SYN3: variants seen among roughly 807,000 people sequenced by gnomAD.
SYN3 encodes the protein synapsin III, also known as synapsin-3.
SYN3 carries 35 observed loss-of-function variants against 65.8 expected under a neutral mutation model. The ratio of observed to expected loss-of-function variants is 0.53; its 90% CI spans 0.41 to 0.70. SYN3 has a LOEUF of 0.70. Among genes scored for constraint, SYN3 ranks in the 30% least tolerant of loss-of-function variants. The pLI is 0.00. For missense variants in SYN3, 680 were observed against 749.0 expected (o/e 0.91, Z 1.08); for synonymous variants, 270 against 292.9 (o/e 0.92, Z 0.80).
At chr22:32,539,256 C>A (rs1034717741) in intron 8 of SYN3, among the ~76,000 whole-genome samples, 2 of 152,078 alleles carry the variant, frequency 1.3e-5, no homozygotes, top group African/African-American at 4.8e-5. Context: ...AGGTTGTTTC[C>A]CATGGAGCTA....
intron 1 of SYN3, among the ~76,000 whole-genome samples, chr22:33,049,993 A>T (rs2054135177): frequency 6.6e-6 from 1 of 151,798 alleles, no homozygotes; most frequent in Non-Finnish European, 1.5e-5. Flanking sequence ...ACTAAATGCA[A>T]CTCACTCACC....
At chr22:32,732,774 A>T (rs2061286941) in intron 6 of SYN3, among the ~76,000 whole-genome samples, 1 of 152,186 alleles carries the variant, frequency 6.6e-6, no homozygotes, top group Non-Finnish European at 1.5e-5. Context: ...ACTTCACCAG[A>T]CGTACTTAGA....
chr22:32,952,498 T>C (rs114881607), intron 3 of SYN3, among the ~76,000 whole-genome samples: 2,170 of 152,260 alleles, frequency 0.014, 53 homozygotes, highest in African/African-American at 0.049. Context: ...CTCACACGTG[T>C]AACTTCAGCA....
At chr22:32,688,540 C>CAGA (rs1364019716) in intron 6 of SYN3, among the ~76,000 whole-genome samples, 5 of 152,116 alleles carry the variant, frequency 3.3e-5, no homozygotes, top group Non-Finnish European at 5.9e-5. Context: ...GACCTGCTTT[C>CAGA]AATCCCTTTC....
At chr22:32,985,702 C>G (rs1006730847) in intron 2 of SYN3, among the ~76,000 whole-genome samples, 2 of 151,992 alleles carry the variant, frequency 1.3e-5, no homozygotes, top group African/African-American at 2.4e-5. Flanking sequence ...TGATCTGGAC[C>G]CTGCTGACTG....
intron 6 of SYN3, among the ~76,000 whole-genome samples, chr22:32,615,432 T>TAAA (rs1190319833): frequency 1.3e-5 from 1 of 74,414 alleles, no homozygotes; most frequent in Non-Finnish European, 2.3e-5. Flanking sequence ...AGACTTCATC[T>TAAA]AAAAAAAAAA....
chr22:32,895,958 G>T (rs908015800), intron 4 of SYN3, among the ~76,000 whole-genome samples: 1 of 152,160 alleles, frequency 6.6e-6, no homozygotes, highest in Non-Finnish European at 1.5e-5. Flanking sequence ...TGGGAAGATT[G>T]AATTAGTTAA....
intron 6 of SYN3, among the ~76,000 whole-genome samples, chr22:32,769,518 GT>G (rs869083656): frequency 2.2e-3 from 20 of 8,998 alleles, no homozygotes; most frequent in African/African-American, 3.8e-3. Context: ...TTCTGTGTTT[GT>G]TTTTTTTTTT....
intron 7 of SYN3, among the ~76,000 whole-genome samples, chr22:32,562,812 A>C (rs1013989148): frequency 2.1e-4 from 32 of 152,380 alleles, no homozygotes; most frequent in African/African-American, 7.5e-4. Context: ...CCATGTCTGC[A>C]GGTGATTGGC....
At chr22:32,806,750 T>TACA (rs2046751153) in intron 6 of SYN3, among the ~76,000 whole-genome samples, 1 of 152,134 alleles carries the variant, frequency 6.6e-6, no homozygotes, top group African/African-American at 2.4e-5. Flanking sequence ...TCTCTCTGTA[T>TACA]ATCTATGATA....
intron 6 of SYN3, among the ~76,000 whole-genome samples, chr22:32,599,818 G>A (rs1194328929): frequency 6.6e-6 from 1 of 152,098 alleles, no homozygotes; most frequent in African/African-American, 2.4e-5. Context: ...GTGCTGGTTG[G>A]GGCACACCAA....
At chr22:32,561,794 C>G (rs1215686463) in intron 7 of SYN3, among the ~76,000 whole-genome samples, 1 of 152,196 alleles carries the variant, frequency 6.6e-6, no homozygotes, top group Non-Finnish European at 1.5e-5. Context: ...GCAGGCCAGG[C>G]TCCTACGTGG....
chr22:32,604,725 A>G (rs564447216), intron 6 of SYN3, among the ~76,000 whole-genome samples: 16 of 152,212 alleles, frequency 1.1e-4, no homozygotes, highest in Non-Finnish European at 2.2e-4. Flanking sequence ...TACATTCATG[A>G]CTGGGCGCGG....
chr22:32,875,392 C>T (rs929346332), intron 4 of SYN3, among the ~76,000 whole-genome samples: 3 of 152,136 alleles, frequency 2.0e-5, no homozygotes, highest in Admixed American at 6.5e-5. Context: ...ATCTTTATTC[C>T]GGTCTCTTCC....
At chr22:32,618,173 C>T (rs2146729306) in intron 6 of SYN3, among the ~76,000 whole-genome samples, 1 of 152,258 alleles carries the variant, frequency 6.6e-6, no homozygotes, top group Non-Finnish European at 1.5e-5. Context: ...ATCGAACGGA[C>T]AGATCCAGCA....
At chr22:32,865,223 G>A (rs1011502528) in intron 5 of SYN3, among the ~76,000 whole-genome samples, 1 of 152,156 alleles carries the variant, frequency 6.6e-6, no homozygotes, top group Non-Finnish European at 1.5e-5. Flanking sequence ...CCAAGACCTA[G>A]TAAGTAGGCA....
intron 2 of SYN3, among the ~76,000 whole-genome samples, chr22:32,985,962 G>A (rs1003105330): frequency 4.6e-5 from 7 of 151,864 alleles, no homozygotes; most frequent in Admixed American, 1.3e-4. Context: ...CCTACAGCAC[G>A]CTGCACTTAC....
At chr22:32,883,377 G>GGGTAGGA (rs1180946636) in intron 4 of SYN3, among the ~76,000 whole-genome samples, 1 of 152,224 alleles carries the variant, frequency 6.6e-6, no homozygotes, top group Non-Finnish European at 1.5e-5. Context: ...AAGAAGCAGA[G>GGGTAGGA]GGTAGGAGCA....
intron 1 of SYN3, among the ~76,000 whole-genome samples, chr22:33,015,837 T>C (rs2053453700): frequency 7.2e-6 from 1 of 139,598 alleles, no homozygotes; most frequent in African/African-American, 2.7e-5. Flanking sequence ...ATAGGCAAAT[T>C]TTCTTTTCTT....
Sources: allele counts gnomAD v4.1 joint callset (sites outside exome capture counted in the v4.1 genomes callset), GRCh38; gene constraint gnomAD v4.1.1; transcripts MANE v1.5; gene names NCBI Gene and HGNC (gene_info 2026-07-23, HGNC 2026-07-21).